Variants in MAP3K4 observed in about 807,000 individuals in gnomAD.
MAP3K4 encodes the protein mitogen-activated protein kinase kinase kinase 4.
MAP3K4 carries 67 observed loss-of-function variants against 185.6 expected under a neutral mutation model. The observed-to-expected ratio is 0.36, with a 90% CI of 0.30 to 0.44. The LOEUF is 0.44. Among genes scored for constraint, MAP3K4 ranks in the 20% least tolerant of loss-of-function variants. The pLI is 1.00. For missense variants in MAP3K4, 1,551 were observed against 1,995.1 expected (o/e 0.78, Z 4.24); for synonymous variants, 702 against 710.4 (o/e 0.99, Z 0.19).
Position 161,098,143 on chromosome 6 carries a change from C to G in MAP3K4, c.3525-135C>G. 1 of 1,102,712 alleles carries G rather than the reference C, an allele frequency of 9.1e-7. No individual in the cohort carries two copies. The highest frequency in any genetic ancestry group is 1.3e-6 in the Non-Finnish European group (1 of 778,088). The allele number at this position is 1,102,712 out of a possible 1,614,324, so 68.3% of individuals were successfully genotyped here. ...TTCTTTTTTACACCTAGACTCAAATCTCAAAGAACAATTTGCATTTTATAT... is the reference window on the plus strand; with the variant it reads ...TTCTTTTTTACACCTAGACTCAAATGTCAAAGAACAATTTGCATTTTATAT... On this transcript the variant is annotated intron_variant, in intron 16 of 26. Transcript: ENST00000392142. The surrounding 1 kb of genome is among the most constrained non-coding windows in gnomAD (Gnocchi z 4.4).
Position 161,109,171 on chromosome 6 carries a change from C to T in MAP3K4, c.4236+312C>T. 2 of 539,690 alleles carry T rather than the reference C, an allele frequency of 3.7e-6. No homozygotes were observed. The highest frequency in any genetic ancestry group is 8.4e-5 in the East Asian group (2 of 23,832). 33.4% of individuals were successfully genotyped at this position (539,690 alleles called of 1,614,324 possible). On this transcript the variant is annotated intron_variant, in intron 22 of 26. Transcript: ENST00000392142. The surrounding 1 kb of genome is among the most constrained non-coding windows in gnomAD (Gnocchi z 5.7). Reference sequence around the variant, plus strand: ...CTTTTTTTCCGTTTTTTTGCTGAACCACTGTTGAGTACACTGTTAAGTAAT... The same window carrying T: ...CTTTTTTTCCGTTTTTTTGCTGAACTACTGTTGAGTACACTGTTAAGTAAT...
intron 15 of MAP3K4, among the ~76,000 whole-genome samples, chr6:161,094,706 T>C (rs2114875930): frequency 6.6e-6 from 1 of 152,342 alleles, no homozygotes; most frequent in East Asian, 1.9e-4. Context: ...TAATTGTTGG[T>C]TTTTTAATCT....
intron 1 of MAP3K4, among the ~76,000 whole-genome samples, chr6:161,026,986 A>G (rs965856593): frequency 2.6e-5 from 4 of 151,880 alleles, no homozygotes; most frequent in African/African-American, 9.7e-5. Context: ...ATCTTTATGC[A>G]TTCTTTTTTG....
In MAP3K4 at chr6:161,087,230, A is replaced by T. The variant is rs1049591792; in HGVS notation, c.2557-458A>T. ...ACCTGCAGCGTGCCACCACATGTGT[A>T]CCCTTTGAGAAACTGATCTCAAGGA... On this transcript the variant is annotated intron_variant, in intron 9 of 26. Transcript: ENST00000392142. This position sits in a 1 kb window ranked among gnomAD's most constrained non-coding sequence, Gnocchi z 4.9. Among the ~76,000 whole-genome samples the T allele has an allele frequency of 2.0e-5, 3 of 152,196 alleles. No individual in the cohort carries two copies. Among genetic ancestry groups the T allele is most frequent in the African/African-American group, 7.2e-5 (3 of 41,448 alleles).
intron 1 of MAP3K4, among the ~76,000 whole-genome samples, chr6:161,026,313 G>C (rs539379203): frequency 6.7e-6 from 1 of 149,802 alleles, no homozygotes; most frequent in Non-Finnish European, 1.5e-5. Context: ...TTTTTTGTAT[G>C]TTTAGTAAAG....
At chr6:161,026,871 G>A (rs1289926563) in intron 1 of MAP3K4, among the ~76,000 whole-genome samples, 1 of 151,128 alleles carries the variant, frequency 6.6e-6, no homozygotes, top group Admixed American at 6.6e-5. Context: ...TTTTCTGAAA[G>A]CCTTCATCTG....
In MAP3K4 at chr6:161,093,216, G is replaced by A. The variant is rs1777407187; in HGVS notation, c.3348+160G>A. 6.6e-6 allele frequency among the ~76,000 whole-genome samples: 1 copy of A among 152,138 alleles called. No homozygotes were observed. The highest frequency in any genetic ancestry group is 1.5e-5 in the Non-Finnish European group (1 of 68,018). Reference sequence around the variant, plus strand: ...CTGAGAAATTAAAGTACTCCTCATAGCAGAGTAAGATTTTTTTTCTTTTTG... The same window carrying A: ...CTGAGAAATTAAAGTACTCCTCATAACAGAGTAAGATTTTTTTTCTTTTTG... On this transcript the variant is annotated intron_variant, in intron 14 of 26. Coordinates refer to ENST00000392142, the MANE Select transcript of MAP3K4 (RefSeq NM_005922.4). The surrounding 1 kb of genome is among the most constrained non-coding windows in gnomAD (Gnocchi z 5.2).
rs1371257976 is a variant in MAP3K4 at position 161,091,927 on chromosome 6, A to C, written c.3136-83A>C. ...GGATTTCACTTTTTGTTTTTAGAAAACATTTTAGACATGGCATTATAGTGT... is the reference window on the plus strand; with the variant it reads ...GGATTTCACTTTTTGTTTTTAGAAACCATTTTAGACATGGCATTATAGTGT... On this transcript the variant is annotated intron_variant, in intron 12 of 26. Coordinates refer to ENST00000392142, the MANE Select transcript of MAP3K4 (RefSeq NM_005922.4). This position sits in a 1 kb window ranked among gnomAD's most constrained non-coding sequence, Gnocchi z 5.5. 2 of 1,178,152 alleles carry C rather than the reference A, an allele frequency of 1.7e-6. No individual in the cohort carries two copies. Among genetic ancestry groups the C allele is most frequent in the East Asian group, 4.7e-5 (2 of 42,430 alleles). The allele number at this position is 1,178,152 out of a possible 1,614,324, so 73.0% of individuals were successfully genotyped here.
chr6:161,068,499 C>G (rs9346847), intron 3 of MAP3K4, among the ~76,000 whole-genome samples: 5 of 152,152 alleles, frequency 3.3e-5, no homozygotes, highest in Non-Finnish European at 7.3e-5. Flanking sequence ...ATGCAGAGAC[C>G]TGGCCATTAG....
At position 161,034,597 on chromosome 6, in the gene MAP3K4, G is replaced by A. The variant is rs1783078528; in HGVS notation, c.343+148G>A. ...ATTTTTTTTTGAATTATTACCATTA[G>A]TATTAATAAAATTGACACATAGTTT... On this transcript the variant is annotated intron_variant, in intron 2 of 26. Coordinates refer to ENST00000392142, the MANE Select transcript of MAP3K4 (RefSeq NM_005922.4). The surrounding 1 kb of genome is among the most constrained non-coding windows in gnomAD (Gnocchi z 4.4). 2 of 643,240 alleles carry A rather than the reference G, an allele frequency of 3.1e-6. No homozygotes were observed. The highest frequency in any genetic ancestry group is 2.6e-6 in the Non-Finnish European group (1 of 387,578). The allele number at this position is 643,240 out of a possible 1,614,324, so 39.8% of individuals were successfully genotyped here. A position where few individuals can be genotyped will look rare whatever the true frequency, so the allele number is the denominator to read the frequency against.
chr6:161,049,044 A>G lies in MAP3K4; in HGVS notation c.772A>G (p.Asn258Asp). Residue 258 changes from asparagine (N) to aspartate (D), a missense_variant, in exon 3 of 27, where the codon AAC becomes GAC. This residue lies in a region of MAP3K4 where 69 missense variants were observed against 124.8 expected (regional missense o/e 0.55). Transcript: ENST00000392142. The surrounding 1 kb of genome is among the most constrained non-coding windows in gnomAD (Gnocchi z 8.4). ...GQENTSGFWL[N>D]RSNELIWLEL... ...AGAAAATACGTCTGGTTTCTGGCTTAACCGATCTAACGAACTGATCTGGTT... is the reference window on the plus strand; with the variant it reads ...AGAAAATACGTCTGGTTTCTGGCTTGACCGATCTAACGAACTGATCTGGTT... 6.2e-7 allele frequency: 1 copy of G among 1,614,106 alleles called. No homozygotes were observed. The highest frequency in any genetic ancestry group is 1.1e-5 in the South Asian group (1 of 91,084).
At chr6:161,052,581 CAGAG>C (rs1362404232) in intron 3 of MAP3K4, among the ~76,000 whole-genome samples, 1 of 152,166 alleles carries the variant, frequency 6.6e-6, no homozygotes, top group Non-Finnish European at 1.5e-5. Context: ...GAAAGAGTAA[CAGAG>C]AGCGAAAGTG....
rs970776571 is a variant in MAP3K4, at chr6:161,077,408, T to G, written c.2098-3473T>G. Among the ~76,000 whole-genome samples the G allele has an allele frequency of 9.9e-5, 15 of 152,220 alleles. No individual in the cohort carries two copies. The highest frequency in any genetic ancestry group is 2.2e-4 in the Non-Finnish European group (15 of 68,040). On this transcript the variant is annotated intron_variant, in intron 5 of 26. Coordinates refer to ENST00000392142, the MANE Select transcript of MAP3K4 (RefSeq NM_005922.4). The surrounding 1 kb of genome is among the most constrained non-coding windows in gnomAD (Gnocchi z 4.3). ...ATACTTGTAGAATACTTTTTAGAATTTTTTTAGCCTCTTTGCTTTTTAACT... is the reference window on the plus strand; with the variant it reads ...ATACTTGTAGAATACTTTTTAGAATGTTTTTAGCCTCTTTGCTTTTTAACT...
intron 4 of MAP3K4, among the ~76,000 whole-genome samples, chr6:161,072,373 C>T (rs566300199): frequency 6.6e-6 from 1 of 152,248 alleles, no homozygotes; most frequent in Admixed American, 6.5e-5. Context: ...TGGTGTATTT[C>T]TATCCATTTG....
intron 3 of MAP3K4, among the ~76,000 whole-genome samples, chr6:161,068,323 A>G (rs1784792858): frequency 6.6e-6 from 1 of 152,236 alleles, no homozygotes; most frequent in South Asian, 2.1e-4. Context: ...GGAGGGTGGC[A>G]TCTGGGCTTC....
chr6:161,031,869 C>T (rs1420323711), intron 1 of MAP3K4, among the ~76,000 whole-genome samples: 1 of 152,178 alleles, frequency 6.6e-6, no homozygotes, highest in Non-Finnish European at 1.5e-5. Flanking sequence ...ATGGCCTTAG[C>T]TTCTGAGTTC....
intron 1 of MAP3K4, among the ~76,000 whole-genome samples, chr6:161,028,088 G>C (rs772104362): frequency 3.3e-5 from 5 of 152,178 alleles, no homozygotes; most frequent in Admixed American, 2.0e-4. Context: ...ACATTGCTTG[G>C]GTTAAAGCAG....
chr6:161,083,374 C>T (rs1785548089), intron 6 of MAP3K4, among the ~76,000 whole-genome samples: 3 of 152,152 alleles, frequency 2.0e-5, no homozygotes, highest in African/African-American at 4.8e-5. Flanking sequence ...CTGCTTAGTA[C>T]GTAATAGGCA....
chr6:161,000,667 A>G (rs1781223399), intron 1 of MAP3K4, among the ~76,000 whole-genome samples: 1 of 152,088 alleles, frequency 6.6e-6, no homozygotes, highest in African/African-American at 2.4e-5. Flanking sequence ...AAGAAAAGAA[A>G]GGAACTCATT....
Sources: allele counts gnomAD v4.1 joint callset (sites outside exome capture counted in the v4.1 genomes callset), GRCh38; gene constraint gnomAD v4.1.1; regional missense constraint gnomAD v4.1.1; non-coding constraint Gnocchi (gnomAD v3.1); transcripts MANE v1.5; gene names NCBI Gene and HGNC (gene_info 2026-07-23, HGNC 2026-07-21).